Variants in ANKRD2 observed in about 807,000 individuals in gnomAD.
The protein encoded by ANKRD2 is ankyrin repeat domain-containing protein 2.
In ANKRD2, 35 loss-of-function variants were observed where a neutral mutation model predicts 37.3. The ratio of observed to expected loss-of-function variants is 0.94; its 90% CI spans 0.72 to 1.24. ANKRD2 has a LOEUF of 1.24. ANKRD2 is among the 50% of genes most tolerant of loss of function. ANKRD2 has a pLI of 0.00. For synonymous variants in ANKRD2, 159 were observed against 186.5 expected (o/e 0.85, Z 1.20); for missense variants, 410 against 445.6 (o/e 0.92, Z 0.72).
At chr10:97,576,394 G>A (rs1564749183) in intron 1 of ANKRD2, among the ~76,000 whole-genome samples, 1 of 152,198 alleles carries the variant, frequency 6.6e-6, no homozygotes, top group Non-Finnish European at 1.5e-5. Flanking sequence ...GACCTGGCAG[G>A]CAGTTGGACC....
Position 97,572,812 on chromosome 10 carries a change from C to A in ANKRD2, c.24C>A (p.Ser8=). Residue 8 remains serine, a synonymous_variant, in exon 1 of 9, where the codon TCC becomes TCA. Transcript: ENST00000370655. The stretch of plus-strand genomic sequence containing the variant: ...TTATGGACGGCACCATGGAGGACTC[C>A]GAGGCGGTGCAGAGGGCCACAGCGC... MDGTMED[S]EAVQRATALI... The A allele has an allele frequency of 4.5e-6, 7 of 1,572,722 alleles. No homozygotes were observed. Among genetic ancestry groups the A allele is most frequent in the Non-Finnish European group, 6.0e-6 (7 of 1,159,432 alleles).
chr10:97,582,481 G>A (rs2040911847), intron 7 of ANKRD2, 68 bp downstream of exon 7: 2 of 1,586,014 alleles, frequency 1.3e-6, no homozygotes, highest in Non-Finnish European at 1.7e-6. Context: ...CCCTACAGGT[G>A]GTGTCCTTCC....
rs2040897565 is a variant in ANKRD2 at position 97,581,418 on chromosome 10, A to G, written c.654+4A>G. On this transcript the variant is annotated splice_donor_region_variant and intron_variant, in intron 6 of 8. Coordinates refer to ENST00000370655, the MANE Select transcript of ANKRD2 (RefSeq NM_001346793.2). The stretch of plus-strand genomic sequence containing the variant: ...AGACACCAATGTGAGGGATAAGGTG[A>G]GGCAAAAACACTCAGAAGCAACAGA... The G allele has an allele frequency of 1.2e-6, 2 of 1,614,000 alleles. No homozygotes were observed. Among genetic ancestry groups the G allele is most frequent in the East Asian group, 4.5e-5 (2 of 44,886 alleles).
rs777145465 is a variant in ANKRD2 at position 97,572,878 on chromosome 10, G to T, written c.87+3G>T. The T allele has an allele frequency of 1.3e-6, 2 of 1,551,136 alleles. No homozygotes were observed. The highest frequency in any genetic ancestry group is 8.7e-7 in the Non-Finnish European group (1 of 1,147,004). ...TGGCACAGGAGGAGGAGAATGAGGT[G>T]CGAGCAGGGGTGGAGGTGCCCAAGG... On this transcript the variant is annotated splice_donor_region_variant and intron_variant, in intron 1 of 8. Transcript: ENST00000370655.
intron 2 of ANKRD2, 83 bp from the exon 3 acceptor site, chr10:97,578,157 T>TCCCC: frequency 4.0e-6 from 1 of 251,104 alleles, no homozygotes; most frequent in South Asian, 2.8e-5. Flanking sequence ...CACCCCACCC[T>TCCCC]CCCCACCAGC....
intron 4 of ANKRD2, among the ~76,000 whole-genome samples, chr10:97,580,134 G>A (rs533662538): frequency 2.6e-4 from 40 of 151,978 alleles, no homozygotes; most frequent in African/African-American, 9.7e-4. Context: ...TCCTACTTCC[G>A]AGCACCATGC....
At chr10:97,572,677 G>A (rs1005154880), upstream of ANKRD2, 2 of 1,581,846 alleles carry the variant, frequency 1.3e-6, no homozygotes, top group East Asian at 2.3e-5. Context: ...ACAGGTGGGG[G>A]AGGCAGGTGG....
rs1286935253 is a variant in ANKRD2 at position 97,578,624 on chromosome 10, C to T, written c.456+19C>T. The T allele has an allele frequency of 1.3e-6, 2 of 1,528,336 alleles. No individual in the cohort carries two copies. The highest frequency in any genetic ancestry group is 1.8e-6 in the Non-Finnish European group (2 of 1,130,950). The allele number at this position is 1,528,336 out of a possible 1,614,324, so 94.7% of individuals were successfully genotyped here. A position where few individuals can be genotyped will look rare whatever the true frequency, so the allele number is the denominator to read the frequency against. On this transcript the variant is annotated intron_variant, in intron 4 of 8. Transcript: ENST00000370655. ...CGACCAGGTGATGCTCCTAGCCGCC[C>T]CTGACCAGCCTCCCTGTCAGTTGCC...
intron 6 of ANKRD2, 80 bp downstream of exon 6, chr10:97,581,494 T>A: frequency 7.1e-7 from 1 of 1,410,396 alleles, no homozygotes; most frequent in Non-Finnish European, 9.9e-7. Context: ...CAGGAAAGCC[T>A]AGGGGGCAGG....
chr10:97,572,514 C>A, upstream of ANKRD2: 1 of 666,160 alleles, frequency 1.5e-6, no homozygotes, highest in Non-Finnish European at 2.5e-6. Flanking sequence ...GTCCCAAGTG[C>A]TCAGGACAGA....
chr10:97,580,991 G>A (rs761205880), intron 5 of ANKRD2, 38 bp downstream of exon 5: 3 of 1,536,156 alleles, frequency 2.0e-6, no homozygotes, highest in Non-Finnish European at 2.7e-6. Flanking sequence ...GAGACAGGAG[G>A]TGGGTCCAGC....
chr10:97,578,299 C>T lies in ANKRD2; in HGVS notation c.249C>T (p.Gly83=). 1 of 1,613,058 alleles carries T rather than the reference C, an allele frequency of 6.2e-7. No homozygotes were observed. The highest frequency in any genetic ancestry group is 1.1e-5 in the South Asian group (1 of 91,074). The change falls in exon 3 of 9, where the codon GGC becomes GGT. Residue 83 remains glycine, a synonymous_variant. Coordinates refer to ENST00000370655, the MANE Select transcript of ANKRD2 (RefSeq NM_001346793.2). ...TGCGGCGGGAGATCATCGATGTGGG[C>T]GGGATCCAGAACCTCATCGAGCTGC... is the stretch of plus-strand genomic sequence containing the variant. ...LDLRREIIDV[G]GIQNLIELRK...
At chr10:97,578,733 G>A (rs756119579) in intron 4 of ANKRD2, 128 bp downstream of exon 4, 3 of 714,162 alleles carry the variant, frequency 4.2e-6, no homozygotes, top group South Asian at 1.9e-5. Flanking sequence ...TGGGTGGGTG[G>A]CTGGGGCGCT....
At chr10:97,575,488 G>C (rs77745635) in intron 1 of ANKRD2, among the ~76,000 whole-genome samples, 5,214 of 152,294 alleles carry the variant, frequency 0.034, 127 homozygotes, top group Non-Finnish European at 0.054. Context: ...GGGACACCAA[G>C]ATGATTAAGA....
chr10:97,581,205 C>A (rs2040893606), intron 5 of ANKRD2, 111 bp from the exon 6 acceptor site: 4 of 1,138,136 alleles, frequency 3.5e-6, no homozygotes, highest in Middle Eastern at 2.0e-4. Flanking sequence ...CCCAGGCCTG[C>A]TCCCTGTACC....
upstream of ANKRD2, chr10:97,572,744 CT>C (rs2040774324): frequency 6.2e-7 from 1 of 1,605,004 alleles, no homozygotes; most frequent in East Asian, 2.2e-5. Context: ...GGTGGGTGCT[CT>C]GGCCTATAAA....
chr10:97,575,000 C>T (rs183957582), intron 1 of ANKRD2, among the ~76,000 whole-genome samples: 19 of 152,002 alleles, frequency 1.2e-4, no homozygotes, highest in Admixed American at 1.0e-3. Flanking sequence ...AGTGCCAGGC[C>T]CTGTGCTAAG....
chr10:97,573,465 T>C (rs1482592434), intron 1 of ANKRD2, among the ~76,000 whole-genome samples: 1 of 152,032 alleles, frequency 6.6e-6, no homozygotes, highest in African/African-American at 2.4e-5. Flanking sequence ...TCTCCCTCTG[T>C]TGCCCAGGCT....
chr10:97,579,614 G>T (rs960712714), intron 4 of ANKRD2, among the ~76,000 whole-genome samples: 1 of 150,484 alleles, frequency 6.6e-6, no homozygotes, highest in Non-Finnish European at 1.5e-5. Context: ...TTGAGATGGA[G>T]TCTTGCTCTG....
Sources: allele counts gnomAD v4.1 joint callset (sites outside exome capture counted in the v4.1 genomes callset), GRCh38; gene constraint gnomAD v4.1.1; transcripts MANE v1.5; gene names NCBI Gene and HGNC (gene_info 2026-07-23, HGNC 2026-07-21).